Variants in SNRPE observed in about 807,000 individuals in gnomAD.
The protein encoded by SNRPE is small nuclear ribonucleoprotein E.
For missense variants in SNRPE, 53 were observed against 111.6 expected, an observed-to-expected ratio of 0.48 and a Z score of 2.36; for synonymous variants, 35 against 36.7, an observed-to-expected ratio of 0.95 and a Z score of 0.17.
chr1:203,861,786 A>T, intron 1 of SNRPE, 73 bp downstream of exon 1: 1 of 1,120,222 alleles, frequency 8.9e-7, no homozygotes, highest in South Asian at 1.2e-5. Flanking sequence ...GGCTGAGGGC[A>T]GGCCTGGGAT....
chr1:203,862,241 T>C lies in SNRPE; in HGVS notation c.81+19T>C, dbSNP rs1452786026. On this transcript the variant is annotated intron_variant, in intron 2 of 4. Transcript: ENST00000414487. ...ACAAAATGTACGTAAGTTGCTTGTT[T>C]CGTAACTACTTTTTAAATAAGAGGT... is the stretch of plus-strand genomic sequence containing the variant. 3.8e-6 allele frequency: 6 copies of C among 1,573,942 alleles called. No individual in the cohort carries two copies. Among genetic ancestry groups the C allele is most frequent in the African/African-American group, 1.3e-5 (1 of 74,166 alleles).
At position 203,870,720 on chromosome 1, in the gene SNRPE, T is replaced by G. The variant is rs539631127; in HGVS notation, c.*788T>G. ...AATTCTTATATGGACAGGTTTCCCT[T>G]CCCCCAGTATCGCACATGGTTCTAG... On this transcript the variant is annotated 3_prime_UTR_variant, in exon 5 of 5. Transcript: ENST00000414487. Among the ~76,000 whole-genome samples, 44 of 152,314 alleles carry G rather than the reference T, an allele frequency of 2.9e-4. No homozygotes were observed. Among genetic ancestry groups the G allele is most frequent in the African/African-American group, 1.0e-3 (42 of 41,582 alleles).
At position 203,869,867 on chromosome 1, in the gene SNRPE, T is replaced by G; in HGVS notation, c.224-10T>G. On this transcript the variant is annotated splice_polypyrimidine_tract_variant and intron_variant, in intron 4 of 4. Coordinates refer to ENST00000414487, the MANE Select transcript of SNRPE (RefSeq NM_003094.4). ...GCTATTAATAGCTTTTTGTTGTTTT[T>G]GTGTTGCAGGTCGGATCATGCTAAA... is the stretch of plus-strand genomic sequence containing the variant. 6.3e-7 allele frequency: 1 copy of G among 1,599,402 alleles called. No homozygotes were observed. Among genetic ancestry groups the G allele is most frequent in the Non-Finnish European group, 8.5e-7 (1 of 1,171,580 alleles).
At chr1:203,866,565 C>T (rs1036105581) in intron 4 of SNRPE, among the ~76,000 whole-genome samples, 2 of 152,198 alleles carry the variant, frequency 1.3e-5, no homozygotes, top group Middle Eastern at 3.2e-3. Flanking sequence ...TTCCAACTCA[C>T]ACTGTTTAGA....
intron 4 of SNRPE, among the ~76,000 whole-genome samples, chr1:203,867,753 G>A (rs1690123450): frequency 6.6e-6 from 1 of 152,180 alleles, no homozygotes; most frequent in Non-Finnish European, 1.5e-5. Flanking sequence ...CTCTTGCTGT[G>A]TGACCCAGTT....
intron 3 of SNRPE, 25 bp from the exon 4 acceptor site, chr1:203,865,016 G>A: frequency 1.3e-6 from 2 of 1,595,996 alleles, no homozygotes; most frequent in East Asian, 2.3e-5. Context: ...TTTCTTTGAA[G>A]ATAACAGTTT....
chr1:203,863,037 A>G (rs1344872392), intron 2 of SNRPE, among the ~76,000 whole-genome samples: 1 of 152,020 alleles, frequency 6.6e-6, no homozygotes, highest in Non-Finnish European at 1.5e-5. Context: ...TTAAATGAAA[A>G]TTCTTTTTGA....
chr1:203,865,272 C>T (rs1690064114), intron 4 of SNRPE, among the ~76,000 whole-genome samples, 153 bp downstream of exon 4: 1 of 152,158 alleles, frequency 6.6e-6, no homozygotes, highest in African/African-American at 2.4e-5. Context: ...TCCTCTACTA[C>T]TCACTCCTCA....
intron 3 of SNRPE, among the ~76,000 whole-genome samples, chr1:203,864,608 G>A (rs1690047658): frequency 6.6e-6 from 1 of 152,106 alleles, no homozygotes. Context: ...TGGGCAAGGT[G>A]GCTCACGCCT....
intron 4 of SNRPE, among the ~76,000 whole-genome samples, chr1:203,867,123 A>AAAAAAAAC (rs1553274873): frequency 7.1e-6 from 1 of 141,294 alleles, no homozygotes; most frequent in African/African-American, 2.7e-5. Flanking sequence ...AAAAAAAAAA[A>AAAAAAAAC]AAAAAAATTA....
At chr1:203,864,388 G>T (rs1220039073) in intron 3 of SNRPE, among the ~76,000 whole-genome samples, 2 of 152,046 alleles carry the variant, frequency 1.3e-5, no homozygotes, top group Non-Finnish European at 2.9e-5. Context: ...TGAATAGAGA[G>T]CTCAGTGGGG....
At chr1:203,863,577 C>T (rs778507142) in intron 2 of SNRPE, 86 bp from the exon 3 acceptor site, 136 of 900,852 alleles carry the variant, frequency 1.5e-4, no homozygotes, top group Non-Finnish European at 2.2e-4. Flanking sequence ...CCTCGGCCTC[C>T]GAAAGTGCTG....
chr1:203,864,072 A>G (rs1690036424), intron 3 of SNRPE, among the ~76,000 whole-genome samples: 1 of 152,060 alleles, frequency 6.6e-6, no homozygotes, highest in Admixed American at 6.6e-5. Context: ...CTCCTGCCTC[A>G]GCCTCCCAAG....
chr1:203,862,964 G>A (rs2103505602), intron 2 of SNRPE, among the ~76,000 whole-genome samples: 1 of 152,178 alleles, frequency 6.6e-6, no homozygotes, highest in African/African-American at 2.4e-5. Context: ...GAAGCAGTAA[G>A]AAATATTGAG....
At chr1:203,864,564 A>G (rs2103507263) in intron 3 of SNRPE, among the ~76,000 whole-genome samples, 1 of 152,140 alleles carries the variant, frequency 6.6e-6, no homozygotes, top group East Asian at 1.9e-4. Context: ...ATAGGCATAC[A>G]CCACCAGGTC....
chr1:203,866,011 G>A (rs1690079514), intron 4 of SNRPE, among the ~76,000 whole-genome samples: 1 of 150,946 alleles, frequency 6.6e-6, no homozygotes, highest in Non-Finnish European at 1.5e-5. Context: ...GCTTCATTAT[G>A]TAGGCATGAC....
At position 203,865,030 on chromosome 1, in the gene SNRPE, T is replaced by G. The variant is rs1690060218; in HGVS notation, c.145-11T>G. The G allele has an allele frequency of 6.2e-7, 1 of 1,606,244 alleles. No homozygotes were observed. The highest frequency in any genetic ancestry group is 1.3e-5 in the African/African-American group (1 of 74,710). ...TTTTCTTTGAAGATAACAGTTTGTT[T>G]ATTTTTCTAGGGTTTTGATGAGTAT... is the stretch of plus-strand genomic sequence containing the variant. On this transcript the variant is annotated splice_polypyrimidine_tract_variant and intron_variant, in intron 3 of 4. Coordinates refer to ENST00000414487, the MANE Select transcript of SNRPE (RefSeq NM_003094.4).
rs186331653 is a variant in SNRPE, at chr1:203,864,770, G to T, written c.145-271G>T. 1.2e-4 allele frequency among the ~76,000 whole-genome samples: 18 copies of T among 151,928 alleles called. No homozygotes were observed. In the East Asian group the frequency reaches 1.9e-3, roughly 16 times the overall value. On this transcript the variant is annotated intron_variant, in intron 3 of 4. Coordinates refer to ENST00000414487, the MANE Select transcript of SNRPE (RefSeq NM_003094.4). ...TGCGCCCTGTAGTTCCAGCTACTTG[G>T]GGGGAGCTGAGGCAGAAGAATTGCT...
rs1408787764 is a variant in SNRPE at position 203,863,670 on chromosome 1, G to A, written c.89G>A (p.Arg30Gln). 1.2e-6 allele frequency: 2 copies of A among 1,610,206 alleles called. No homozygotes were observed. Among genetic ancestry groups the A allele is most frequent in the African/African-American group, 1.3e-5 (1 of 74,794 alleles). The change falls in exon 3 of 5, where the codon CGG (arginine) becomes CAG (glutamine). Residue 30 changes from arginine (R) to glutamine (Q), a missense_variant. Physicochemically the swap from Arg to Gln is conservative, Grantham distance 43. Coordinates refer to ENST00000414487, the MANE Select transcript of SNRPE (RefSeq NM_003094.4). The part of the protein sequence containing the change: ...LIFRYLQNRS[R>Q]IQVWLYEQVN... ...CTTTTATGATTATTTCAGAGATCGC[G>A]GATTCAGGTGTGGCTCTATGAGCAA...
Sources: allele counts gnomAD v4.1 joint callset (sites outside exome capture counted in the v4.1 genomes callset), GRCh38; gene constraint gnomAD v4.1.1; transcripts MANE v1.5; gene names NCBI Gene and HGNC (gene_info 2026-07-23, HGNC 2026-07-21).